CUL5: variants seen among roughly 807,000 people sequenced by gnomAD.
CUL5 encodes the protein cullin 5, also known as cullin-5.
Under a neutral mutation model 108.8 loss-of-function variants are expected in CUL5, and 26 were observed. The ratio of observed to expected loss-of-function variants is 0.24; its 90% CI spans 0.18 to 0.33. The LOEUF is 0.33. CUL5 is among the 10% of genes least tolerant of loss of function. CUL5 has a pLI of 1.00. For missense variants in CUL5, 524 were observed against 909.2 expected, an observed-to-expected ratio of 0.58 and a Z score of 5.45; for synonymous variants, 334 against 298.0, an observed-to-expected ratio of 1.12 and a Z score of -1.25.
At chr11:108,029,616 G>C (rs1188308276) in intron 1 of CUL5, among the ~76,000 whole-genome samples, 1 of 152,118 alleles carries the variant, frequency 6.6e-6, no homozygotes, top group Admixed American at 6.5e-5. Context: ...TTAATGATAT[G>C]CTCTTCAGTT....
intron 11 of CUL5, among the ~76,000 whole-genome samples, chr11:108,078,753 GCTTCTAGCTAAGA>G (rs1358551310): frequency 6.6e-6 from 1 of 152,046 alleles, no homozygotes; most frequent in African/African-American, 2.4e-5. Flanking sequence ...CTTTTGATGT[GCTTCTAGCTAAGA>G]ATTACCATTT....
intron 12 of CUL5, 44 bp downstream of exon 12, chr11:108,088,703 T>A: frequency 6.7e-7 from 1 of 1,490,910 alleles, no homozygotes; most frequent in Non-Finnish European, 9.1e-7. Flanking sequence ...TTACCTTACT[T>A]TGAATTTGTG....
At chr11:108,044,818 T>C (rs765354314) in intron 2 of CUL5, among the ~76,000 whole-genome samples, 12 of 152,016 alleles carry the variant, frequency 7.9e-5, no homozygotes, top group African/African-American at 2.2e-4. Flanking sequence ...CTGGAGTTCA[T>C]TGGTGCCATC....
chr11:108,076,825 G>A (rs1863952268), intron 10 of CUL5, among the ~76,000 whole-genome samples: 1 of 152,156 alleles, frequency 6.6e-6, no homozygotes, highest in African/African-American at 2.4e-5. Flanking sequence ...GACTAGTCAG[G>A]GATGACACTC....
intron 7 of CUL5, among the ~76,000 whole-genome samples, chr11:108,069,315 A>G (rs4575229): frequency 0.59 from 89,453 of 151,894 alleles, 28,031 homozygotes; most frequent in East Asian, 0.9. Context: ...TTCCCTACCT[A>G]TGAAATAAAA....
chr11:108,046,590 A>G (rs1863073726), intron 3 of CUL5: 5 of 395,248 alleles, frequency 1.3e-5, no homozygotes, highest in African/African-American at 2.1e-5. Flanking sequence ...ATATTTAATT[A>G]AAAGATGCTA....
At chr11:108,041,305 G>A (rs1420864673) in intron 2 of CUL5, among the ~76,000 whole-genome samples, 2 of 148,212 alleles carry the variant, frequency 1.3e-5, no homozygotes, top group Non-Finnish European at 3.0e-5. Context: ...TTTTTGAGAC[G>A]GAGTCTCTGT....
chr11:108,030,863 A>G (rs563379124), intron 1 of CUL5, among the ~76,000 whole-genome samples: 3 of 152,212 alleles, frequency 2.0e-5, no homozygotes, highest in Non-Finnish European at 4.4e-5. Context: ...ACTAACTTCA[A>G]GAGATTCCGA....
intron 9 of CUL5, 131 bp from the exon 10 acceptor site, chr11:108,073,259 C>A: frequency 3.6e-6 from 2 of 558,370 alleles, no homozygotes; most frequent in South Asian, 2.5e-5. Context: ...ATTGGAACAC[C>A]TTTTAGTTTT....
intron 7 of CUL5, among the ~76,000 whole-genome samples, chr11:108,058,046 T>C (rs1863432548): frequency 6.6e-6 from 1 of 151,532 alleles, no homozygotes. Context: ...CTGTCTCTAC[T>C]AAAAATACAA....
rs1864449441 is a variant in CUL5 at position 108,094,842 on chromosome 11, C to T, written c.1598C>T (p.Ala533Val). Reference sequence around the variant, plus strand: ...TCAGTTAATATAAAAATTCTGAATGCTGGCGCCTGGTCAAGAAGTTCTGAG... The same window carrying T: ...TCAGTTAATATAAAAATTCTGAATGTTGGCGCCTGGTCAAGAAGTTCTGAG... ...ADSVNIKILN[A>V]GAWSRSSEKV... is the part of the protein sequence containing the mutation. The change falls in exon 15 of 19, where the codon GCT becomes GTT. Residue 533 changes from alanine to valine, a missense_variant. This residue lies in a region of CUL5 where 64 missense variants were observed against 152.0 expected (regional missense o/e 0.42). Transcript: ENST00000393094. 2 of 1,606,668 alleles carry T rather than the reference C, an allele frequency of 1.2e-6. No homozygotes were observed. Among genetic ancestry groups the T allele is most frequent in the Non-Finnish European group, 8.5e-7 (1 of 1,176,976 alleles).
intron 10 of CUL5, among the ~76,000 whole-genome samples, chr11:108,077,113 A>T (rs992924397): frequency 6.6e-6 from 1 of 152,244 alleles, no homozygotes; most frequent in Non-Finnish European, 1.5e-5. Flanking sequence ...GGAGATAGAA[A>T]AGAGGACAGA....
rs561417546 is a variant in CUL5, at chr11:108,034,035, A to G, written c.134+124A>G. On this transcript the variant is annotated intron_variant, in intron 2 of 18. Coordinates refer to ENST00000393094, the MANE Select transcript of CUL5 (RefSeq NM_003478.6). ...CCTATTAAAAAGTATTACTAGTTACATTGAGGGTCTCCAAGACCTCTCCCA... is the reference window on the plus strand; with the variant it reads ...CCTATTAAAAAGTATTACTAGTTACGTTGAGGGTCTCCAAGACCTCTCCCA... The G allele has an allele frequency of 2.7e-4, 173 of 632,140 alleles. 1 individual carries two copies. Among genetic ancestry groups the G allele is most frequent in the South Asian group, 9.6e-4 (48 of 50,122 alleles). The allele number at this position is 632,140 out of a possible 1,614,324, so 39.2% of individuals were successfully genotyped here. A position where few individuals can be genotyped will look rare whatever the true frequency, so the allele number is the denominator to read the frequency against.
At chr11:108,068,971 C>T (rs1181571489) in intron 7 of CUL5, among the ~76,000 whole-genome samples, 1 of 152,144 alleles carries the variant, frequency 6.6e-6, no homozygotes, top group Non-Finnish European at 1.5e-5. Flanking sequence ...TTAAAACTTC[C>T]TTGGGGCCAG....
At chr11:108,053,083 G>GTAAC (rs1292144655) in intron 5 of CUL5, among the ~76,000 whole-genome samples, 1 of 152,114 alleles carries the variant, frequency 6.6e-6, no homozygotes, top group African/African-American at 2.4e-5. Flanking sequence ...CTCATAAAAG[G>GTAAC]TAACTAGTTC....
rs768719121 is a variant in CUL5 at position 108,104,186 on chromosome 11, T to C, written c.2149-4T>C. The C allele has an allele frequency of 6.8e-5, 105 of 1,532,850 alleles. 2 individuals are homozygous for C. The South Asian group carries it at 1.2e-3, about 18-fold the overall frequency. 95.0% of individuals were successfully genotyped at this position (1,532,850 alleles called of 1,614,324 possible). The stretch of plus-strand genomic sequence containing the variant: ...TGCGCTTTTATTTTTATTTTTTCTT[T>C]TAGGAAGCTATCATACAAATAATGA... On this transcript the variant is annotated splice_region_variant and splice_polypyrimidine_tract_variant and intron_variant, in intron 18 of 18. Transcript: ENST00000393094.
At chr11:108,048,648 CTTT>C (rs200991204) in intron 3 of CUL5, among the ~76,000 whole-genome samples, 6 of 116,864 alleles carry the variant, frequency 5.1e-5, no homozygotes, top group African/African-American at 7.7e-5. Context: ...ACTCCACCAC[CTTT>C]TTTTTTTTTT....
intron 3 of CUL5, 37 bp from the exon 4 acceptor site, chr11:108,049,853 T>C (rs974571053): frequency 6.5e-7 from 1 of 1,544,548 alleles, no homozygotes; most frequent in African/African-American, 1.4e-5. Context: ...TCAAAGCAAC[T>C]GCATTTATTT....
intron 2 of CUL5, among the ~76,000 whole-genome samples, chr11:108,037,517 G>C (rs992565352): frequency 6.6e-6 from 1 of 152,156 alleles, no homozygotes; most frequent in African/African-American, 2.4e-5. Context: ...AATCAACAAA[G>C]GGAAAAAGTG....
Sources: allele counts gnomAD v4.1 joint callset (sites outside exome capture counted in the v4.1 genomes callset), GRCh38; gene constraint gnomAD v4.1.1; regional missense constraint gnomAD v4.1.1; transcripts MANE v1.5; gene names NCBI Gene and HGNC (gene_info 2026-07-23, HGNC 2026-07-21).